The following NDFIP2 variants were observed in gnomAD, a reference collection of about 807,000 sequenced individuals.
The protein encoded by NDFIP2 is NEDD4 family-interacting protein 2.
NDFIP2 carries 19 observed loss-of-function variants against 36.0 expected under a neutral mutation model. That is an observed-to-expected ratio of 0.53 (90% CI 0.37 to 0.77). NDFIP2 has a LOEUF of 0.77. Among genes scored for constraint, NDFIP2 ranks in the 30% least tolerant of loss-of-function variants. The pLI is 0.00. For synonymous variants in NDFIP2, 181 were observed against 167.7 expected (o/e 1.08, Z -0.61); for missense variants, 446 against 435.8 (o/e 1.02, Z -0.21).
At chr13:79,491,947 A>C (rs1873239548) in intron 1 of NDFIP2, among the ~76,000 whole-genome samples, 1 of 152,238 alleles carries the variant, frequency 6.6e-6, no homozygotes, top group Non-Finnish European at 1.5e-5. Context: ...ATTTACTGTC[A>C]GATTATTTCA....
chr13:79,531,781 T>C (rs1034487500), intron 2 of NDFIP2, among the ~76,000 whole-genome samples: 2 of 152,342 alleles, frequency 1.3e-5, no homozygotes, highest in East Asian at 3.9e-4. Flanking sequence ...GGTTTGATCT[T>C]CTAACTGGAA....
At chr13:79,524,619 T>C (rs958525209) in intron 2 of NDFIP2, among the ~76,000 whole-genome samples, 1 of 152,234 alleles carries the variant, frequency 6.6e-6, no homozygotes, top group Non-Finnish European at 1.5e-5. Context: ...GTCAGCTGCA[T>C]TGTCTATTAT....
At chr13:79,533,139 A>G (rs534378679) in intron 2 of NDFIP2, among the ~76,000 whole-genome samples, 184 bp from the exon 3 acceptor site, 2 of 152,306 alleles carry the variant, frequency 1.3e-5, no homozygotes, top group South Asian at 4.1e-4. Flanking sequence ...TCTTTATAAT[A>G]AATTTGGACT....
intron 1 of NDFIP2, among the ~76,000 whole-genome samples, chr13:79,503,927 C>A (rs1387457956): frequency 6.6e-6 from 1 of 152,064 alleles, no homozygotes; most frequent in Admixed American, 6.5e-5. Context: ...GAAAATTTTC[C>A]TTGTCTTCTT....
chr13:79,512,531 C>T (rs1874117859), intron 1 of NDFIP2, among the ~76,000 whole-genome samples: 1 of 151,918 alleles, frequency 6.6e-6, no homozygotes, highest in South Asian at 2.1e-4. Context: ...AGTTTAGGTT[C>T]TAAGGCAACT....
chr13:79,483,116 G>C (rs565313823), intron 1 of NDFIP2, among the ~76,000 whole-genome samples: 5 of 151,766 alleles, frequency 3.3e-5, no homozygotes, highest in African/African-American at 1.2e-4. Flanking sequence ...CCCTCCCCTC[G>C]TTTTTTTCAA....
intron 1 of NDFIP2, among the ~76,000 whole-genome samples, chr13:79,490,504 A>G (rs960778000): frequency 1.3e-5 from 2 of 152,058 alleles, no homozygotes; most frequent in African/African-American, 4.8e-5. Flanking sequence ...AAAGGGCTAG[A>G]TAGTATTTTA....
chr13:79,539,833 T>A, intron 4 of NDFIP2, 58 bp downstream of exon 4: 1 of 1,372,982 alleles, frequency 7.3e-7, no homozygotes, highest in Non-Finnish European at 1.0e-6. Flanking sequence ...GTATGTGTAT[T>A]AAAGTAACAT....
chr13:79,488,282 A>G (rs915759807), intron 1 of NDFIP2, among the ~76,000 whole-genome samples: 1 of 152,186 alleles, frequency 6.6e-6, no homozygotes. Flanking sequence ...TTGGGTTGCC[A>G]GGGTAAATTG....
chr13:79,508,857 A>G (rs1415592471), intron 1 of NDFIP2, among the ~76,000 whole-genome samples: 3 of 152,154 alleles, frequency 2.0e-5, no homozygotes, highest in Non-Finnish European at 2.9e-5. Flanking sequence ...TTGTTCTTCA[A>G]GGTGATTCAA....
Position 79,520,940 on chromosome 13 carries a change from A to G in NDFIP2, c.452A>G (p.Tyr151Cys), listed in dbSNP as rs1367739936. Residue 151 changes from tyrosine (Y) to cysteine (C), a missense_variant, in exon 2 of 8, where the codon TAT becomes TGT. By Grantham distance (194) the Tyr-to-Cys change is radical (BLOSUM62 -2). Coordinates refer to ENST00000218652, the MANE Select transcript of NDFIP2 (RefSeq NM_019080.3). The stretch of plus-strand genomic sequence containing the variant: ...GAAACTGACTCTTCCCCTCCACCAT[A>G]TAGTAGTATTACTGTGGAAGTACCT... ...ALETDSSPPP[Y>C]SSITVEVPTT... 1 of 1,613,244 alleles carries G rather than the reference A, an allele frequency of 6.2e-7. No individual in the cohort carries two copies.
chr13:79,513,000 TG>T (rs564534966), intron 1 of NDFIP2, among the ~76,000 whole-genome samples: 13 of 152,326 alleles, frequency 8.5e-5, no homozygotes, highest in South Asian at 4.2e-4. Context: ...AAGCCATATT[TG>T]TCTTGGAAAT....
chr13:79,482,147 CTTTTTCTTTCTTTCTTTCTTTCTT>C (rs1218461218), intron 1 of NDFIP2, among the ~76,000 whole-genome samples: 4 of 116,402 alleles, frequency 3.4e-5, no homozygotes, highest in African/African-American at 9.5e-5. Flanking sequence ...GTAATCCCCA[CTTTTTCTTTCTTTCTTTCTTTCTT>C]TTTTTTTTTT....
intron 3 of NDFIP2, among the ~76,000 whole-genome samples, chr13:79,534,358 T>TTG (rs1875143316): frequency 1.3e-5 from 2 of 148,464 alleles, no homozygotes; most frequent in African/African-American, 2.5e-5. Flanking sequence ...CTGTTTTTTT[T>TTG]TTTTTTTTTT....
rs1000823630 is a variant in NDFIP2, at chr13:79,554,956, A to G, written c.*2443A>G. On this transcript the variant is annotated 3_prime_UTR_variant, in exon 8 of 8. Transcript: ENST00000218652. The stretch of plus-strand genomic sequence containing the variant: ...TTTAAGGCAAAAACAACACTTTTCT[A>G]TATAGTGTATGCAGGACAGATTTTA... 6.6e-6 allele frequency: 1 copy of G among 151,916 alleles called. No individual in the cohort carries two copies. Among genetic ancestry groups the G allele is most frequent in the African/African-American group, 2.4e-5 (1 of 41,402 alleles). The allele number at this position is 151,916 out of a possible 1,614,324, so 9.4% of individuals were successfully genotyped here.
At position 79,481,212 on chromosome 13, in the gene NDFIP2, C is replaced by G. The variant is rs1414043396; in HGVS notation, c.9C>G (p.Arg3=). 6.6e-7 allele frequency: 1 copy of G among 1,507,526 alleles called. No individual in the cohort carries two copies. The highest frequency in any genetic ancestry group is 8.8e-7 in the Non-Finnish European group (1 of 1,135,676). 93.4% of individuals were successfully genotyped at this position (1,507,526 alleles called of 1,614,324 possible). ...TCCCACTGGCGGCGCGGATGGCACG[C>G]CGGCGGAGCCAGCGAGTCTGCGCGA... MA[R]RRSQRVCASG... Residue 3 remains arginine, a synonymous_variant, in exon 1 of 8, where the codon CGC becomes CGG. Coordinates refer to ENST00000218652, the MANE Select transcript of NDFIP2 (RefSeq NM_019080.3).
intron 1 of NDFIP2, among the ~76,000 whole-genome samples, chr13:79,518,010 T>C (rs531853762): frequency 1.8e-4 from 24 of 134,902 alleles, no homozygotes; most frequent in African/African-American, 6.1e-4. Context: ...TTAGGTGATA[T>C]TAACAAGTAG....
chr13:79,492,319 T>C (rs1378731569), intron 1 of NDFIP2, among the ~76,000 whole-genome samples: 2 of 149,976 alleles, frequency 1.3e-5, no homozygotes, highest in East Asian at 1.9e-4. Flanking sequence ...ACATTTGTTC[T>C]CCTCACCTCG....
At chr13:79,508,255 C>T (rs1039558306) in intron 1 of NDFIP2, among the ~76,000 whole-genome samples, 4 of 152,108 alleles carry the variant, frequency 2.6e-5, no homozygotes, top group Admixed American at 2.6e-4. Context: ...CTAGTATTAA[C>T]ATTTAGAAGT....
Sources: gnomAD v4.1 joint callset for allele counts (sites outside exome capture counted in the v4.1 genomes callset) on GRCh38, gnomAD v4.1.1 for gene constraint, MANE v1.5 for transcripts, NCBI Gene and HGNC (gene_info 2026-07-23, HGNC 2026-07-21) for gene names.